ERBB4: variants seen among roughly 807,000 people sequenced by gnomAD.
ERBB4 encodes the protein erb-b2 receptor tyrosine kinase 4, also known as receptor tyrosine-protein kinase erbB-4.
ERBB4 carries 42 observed loss-of-function variants against 158.0 expected under a neutral mutation model. The observed-to-expected ratio is 0.27, with a 90% CI of 0.21 to 0.34. ERBB4 has a LOEUF of 0.34. Among genes scored for constraint, ERBB4 ranks in the 10% least tolerant of loss-of-function variants. The probability of loss-of-function intolerance (pLI) is 1.00; values close to 1 mark genes in which losing one functional copy is unlikely to be tolerated. For synonymous variants in ERBB4, 583 were observed against 558.7 expected (o/e 1.04, Z -0.61); for missense variants, 1,333 against 1,624.1 (o/e 0.82, Z 3.08).
intron 1 of ERBB4, among the ~76,000 whole-genome samples, chr2:212,231,166 A>G (rs1279742502): frequency 6.6e-6 from 1 of 152,176 alleles, no homozygotes; most frequent in Non-Finnish European, 1.5e-5. Context: ...AAGAAGTGTT[A>G]CAGAACATCA....
intron 2 of ERBB4, among the ~76,000 whole-genome samples, chr2:212,000,062 T>A (rs563040187): frequency 2.9e-4 from 44 of 151,930 alleles, no homozygotes; most frequent in African/African-American, 9.6e-4. Flanking sequence ...CTTTTTGACA[T>A]TGTCTGAAAA....
chr2:212,255,100 T>A (rs192676764), intron 1 of ERBB4, among the ~76,000 whole-genome samples: 7 of 152,272 alleles, frequency 4.6e-5, no homozygotes, highest in Middle Eastern at 3.4e-3. Flanking sequence ...AGAAGAGAGT[T>A]CAACATTTTA....
chr2:212,155,888 TA>T (rs2081020706), intron 1 of ERBB4, among the ~76,000 whole-genome samples: 3 of 152,278 alleles, frequency 2.0e-5, no homozygotes, highest in South Asian at 4.1e-4. Flanking sequence ...TAATTAATTA[TA>T]AAAAGAACAC....
chr2:211,614,869 G>C (rs2069328048), intron 19 of ERBB4, among the ~76,000 whole-genome samples: 1 of 151,968 alleles, frequency 6.6e-6, no homozygotes, highest in African/African-American at 2.4e-5. Context: ...CAGAAAATAG[G>C]ATAACAGCAG....
intron 1 of ERBB4, among the ~76,000 whole-genome samples, chr2:212,250,528 A>G (rs1008479928): frequency 6.6e-6 from 1 of 151,980 alleles, no homozygotes; most frequent in African/African-American, 2.4e-5. Context: ...ATTTAACTTC[A>G]TTGAGTAATG....
intron 1 of ERBB4, among the ~76,000 whole-genome samples, chr2:212,254,998 G>A (rs574258771): frequency 1.3e-5 from 2 of 152,106 alleles, no homozygotes; most frequent in Non-Finnish European, 2.9e-5. Flanking sequence ...TATTTCACGG[G>A]TATAGTGTTA....
At chr2:212,482,708 C>A (rs1689765978) in intron 1 of ERBB4, among the ~76,000 whole-genome samples, 1 of 152,184 alleles carries the variant, frequency 6.6e-6, no homozygotes, top group Admixed American at 6.5e-5. Context: ...CCTCTATCTC[C>A]TGGGTTCAAG....
chr2:212,167,836 G>A (rs369104037), intron 1 of ERBB4, among the ~76,000 whole-genome samples: 2 of 151,922 alleles, frequency 1.3e-5, no homozygotes, highest in African/African-American at 2.4e-5. Flanking sequence ...AACTAATACA[G>A]GAACAGAAAA....
At chr2:211,590,361 A>G (rs1404741588) in intron 19 of ERBB4, among the ~76,000 whole-genome samples, 2 of 152,176 alleles carry the variant, frequency 1.3e-5, no homozygotes, top group Non-Finnish European at 2.9e-5. Flanking sequence ...TAGCCATAAG[A>G]TTAGAAATTA....
chr2:211,805,818 A>T (rs1241962761), intron 3 of ERBB4, among the ~76,000 whole-genome samples: 1 of 152,076 alleles, frequency 6.6e-6, no homozygotes, highest in Non-Finnish European at 1.5e-5. Context: ...ATTCTATTCT[A>T]TAGGAAAGAA....
chr2:211,911,108 G>A (rs1425398440), intron 3 of ERBB4, among the ~76,000 whole-genome samples: 2 of 152,068 alleles, frequency 1.3e-5, no homozygotes, highest in Non-Finnish European at 1.5e-5. Flanking sequence ...ATTTATTTAG[G>A]TAAGGAATAT....
At chr2:211,866,368 G>T (rs2078206306) in intron 3 of ERBB4, among the ~76,000 whole-genome samples, 1 of 151,802 alleles carries the variant, frequency 6.6e-6, no homozygotes, top group Non-Finnish European at 1.5e-5. Flanking sequence ...TTCCTATTTT[G>T]TAATTATGAC....
intron 19 of ERBB4, among the ~76,000 whole-genome samples, chr2:211,585,542 T>C (rs1445455248): frequency 6.6e-6 from 1 of 152,068 alleles, no homozygotes; most frequent in Non-Finnish European, 1.5e-5. Flanking sequence ...GTCAGAATAT[T>C]TATATATTTA....
intron 20 of ERBB4, among the ~76,000 whole-genome samples, chr2:211,461,709 G>A (rs575950331): frequency 4.3e-4 from 65 of 152,002 alleles, no homozygotes; most frequent in African/African-American, 1.4e-3. Flanking sequence ...AATGTAGGCC[G>A]GCATGCTGAA....
intron 3 of ERBB4, among the ~76,000 whole-genome samples, chr2:211,914,183 T>C (rs1389028158): frequency 6.6e-6 from 1 of 151,060 alleles, no homozygotes; most frequent in African/African-American, 2.4e-5. Flanking sequence ...AAGAAAAGTG[T>C]GAAATTGTAT....
chr2:211,936,298 C>G (rs1281761323), intron 3 of ERBB4, among the ~76,000 whole-genome samples: 1 of 151,376 alleles, frequency 6.6e-6, no homozygotes, highest in Non-Finnish European at 1.5e-5. Flanking sequence ...CAAAAATACC[C>G]TTTTTATATC....
At chr2:212,336,332 C>T (rs2088440579) in intron 1 of ERBB4, among the ~76,000 whole-genome samples, 1 of 151,964 alleles carries the variant, frequency 6.6e-6, no homozygotes, top group East Asian at 1.9e-4. Flanking sequence ...AATACACCAT[C>T]TCCCTTCAGA....
intron 3 of ERBB4, among the ~76,000 whole-genome samples, chr2:211,853,995 C>A (rs1424688760): frequency 6.6e-6 from 1 of 151,984 alleles, no homozygotes; most frequent in Non-Finnish European, 1.5e-5. Flanking sequence ...ACCTTTTAAC[C>A]CATTTGGACC....
At chr2:212,191,670 T>C (rs1174026733) in intron 1 of ERBB4, among the ~76,000 whole-genome samples, 2 of 149,616 alleles carry the variant, frequency 1.3e-5, no homozygotes, top group Non-Finnish European at 3.0e-5. Context: ...ACATGTCATA[T>C]ATCGCGTGTG....
Sources: allele counts gnomAD v4.1 joint callset (sites outside exome capture counted in the v4.1 genomes callset), GRCh38; gene constraint gnomAD v4.1.1; transcripts MANE v1.5; gene names NCBI Gene and HGNC (gene_info 2026-07-23, HGNC 2026-07-21).